Variants in ME3 observed in about 807,000 individuals in gnomAD.
The protein encoded by ME3 is malic enzyme 3.
A neutral mutation model predicts 68.9 loss-of-function variants in ME3; 48 were observed. That is an observed-to-expected ratio of 0.70 (90% confidence interval 0.55 to 0.89). ME3 has a LOEUF of 0.89. ME3 is among the 40% of genes least tolerant of loss of function. The pLI, the probability that ME3 is intolerant of heterozygous loss-of-function variation, is 0.00. For synonymous variants in ME3, 320 were observed against 318.8 expected, an observed-to-expected ratio of 1.00 and a Z score of -0.04; for missense variants, 675 against 797.4, an observed-to-expected ratio of 0.85 and a Z score of 1.85.
chr11:86,659,941 T>G (rs1243165891), intron 2 of ME3, among the ~76,000 whole-genome samples: 1 of 152,152 alleles, frequency 6.6e-6, no homozygotes, highest in African/African-American at 2.4e-5. Flanking sequence ...AAACCTTGGT[T>G]AGAATATACC....
chr11:86,561,385 T>C (rs1957226865), intron 2 of ME3, among the ~76,000 whole-genome samples: 1 of 152,162 alleles, frequency 6.6e-6, no homozygotes, highest in Non-Finnish European at 1.5e-5. Flanking sequence ...ATTTACTACT[T>C]GTGTCCCTTG....
chr11:86,556,238 G>T (rs894456347), intron 4 of ME3, among the ~76,000 whole-genome samples: 1 of 152,170 alleles, frequency 6.6e-6, no homozygotes, highest in African/African-American at 2.4e-5. Flanking sequence ...ACCAGAGGGG[G>T]TGAGAGAAGT....
At chr11:86,515,029 G>A (rs1953795293) in intron 4 of ME3, among the ~76,000 whole-genome samples, 1 of 152,196 alleles carries the variant, frequency 6.6e-6, no homozygotes, top group Non-Finnish European at 1.5e-5. Context: ...CAGGAGCCAT[G>A]ATGAATAGTT....
intron 2 of ME3, among the ~76,000 whole-genome samples, chr11:86,645,155 T>G (rs1205930895): frequency 6.6e-6 from 1 of 152,122 alleles, no homozygotes. Flanking sequence ...GACACCAAAC[T>G]AGCTGCAGGA....
At chr11:86,561,033 A>G (rs1024117575) in intron 2 of ME3, among the ~76,000 whole-genome samples, 2 of 152,110 alleles carry the variant, frequency 1.3e-5, no homozygotes. Context: ...CCAGGGGTAC[A>G]TATAATAAAT....
intron 4 of ME3, among the ~76,000 whole-genome samples, chr11:86,514,105 G>T (rs536479427): frequency 9.2e-5 from 14 of 152,240 alleles, no homozygotes; most frequent in African/African-American, 3.4e-4. Flanking sequence ...AGATCTGATG[G>T]TTTTATAAGC....
At chr11:86,472,368 G>A (rs904117602) in intron 7 of ME3, among the ~76,000 whole-genome samples, 5 of 152,204 alleles carry the variant, frequency 3.3e-5, no homozygotes, top group Non-Finnish European at 5.9e-5. Context: ...GGTGTTTTAG[G>A]AAGTTTATTC....
chr11:86,661,515 A>C (rs924930855), intron 2 of ME3, among the ~76,000 whole-genome samples: 1 of 152,262 alleles, frequency 6.6e-6, no homozygotes, highest in African/African-American at 2.4e-5. Flanking sequence ...CTTACAGGGT[A>C]CATGTCTATT....
Position 86,464,926 on chromosome 11 carries a change from T to G in ME3, c.919+165A>C, listed in dbSNP as rs572798755. ...GAAACTGAATTCAGAGAATTAAGAA[T>G]TAGCCAAGTAGGAGTTGAATCTAAG... On this transcript the variant is annotated intron_variant, in intron 8 of 14. Coordinates refer to ENST00000543262, the Ensembl canonical transcript of ME3. Among the ~76,000 whole-genome samples the G allele has an allele frequency of 1.1e-4, 16 of 152,366 alleles. No individual in the cohort carries two copies. The South Asian group carries it at 3.1e-3, about 30-fold the overall frequency.
At chr11:86,632,197 T>C (rs1285077160) in intron 2 of ME3, among the ~76,000 whole-genome samples, 1 of 152,160 alleles carries the variant, frequency 6.6e-6, no homozygotes, top group Non-Finnish European at 1.5e-5. Context: ...AAAAGTGATG[T>C]GTTCAAGGGC....
intron 4 of ME3, among the ~76,000 whole-genome samples, chr11:86,518,318 G>A (rs933278716): frequency 6.6e-6 from 1 of 152,170 alleles, no homozygotes; most frequent in Non-Finnish European, 1.5e-5. Context: ...CATACCAGGT[G>A]AGAAAATGCC....
At chr11:86,537,253 A>T (rs975649160) in intron 4 of ME3, among the ~76,000 whole-genome samples, 3 of 151,292 alleles carry the variant, frequency 2.0e-5, no homozygotes, top group African/African-American at 4.9e-5. Flanking sequence ...AACCTGCACA[A>T]TGTGCACATG....
chr11:86,485,672 C>T (rs1157773145), intron 7 of ME3, among the ~76,000 whole-genome samples: 2 of 152,150 alleles, frequency 1.3e-5, no homozygotes, highest in African/African-American at 2.4e-5. Flanking sequence ...CCCTTTACCA[C>T]GTCCTCCCAT....
intron 2 of ME3, among the ~76,000 whole-genome samples, chr11:86,591,170 T>G (rs912358066): frequency 5.3e-4 from 78 of 146,216 alleles, no homozygotes; most frequent in African/African-American, 2.0e-3. Flanking sequence ...GGGGTCAGAT[T>G]AGCTGCCAAA....
intron 2 of ME3, among the ~76,000 whole-genome samples, chr11:86,643,284 T>C (rs1228327572): frequency 7.0e-6 from 1 of 143,858 alleles, no homozygotes; most frequent in Non-Finnish European, 1.5e-5. Context: ...GGTTTAACTC[T>C]TCATGCAGGC....
At chr11:86,475,874 T>TAGAGAGAGAGAGAGAGAG (rs1555206746) in intron 7 of ME3, among the ~76,000 whole-genome samples, 21 of 91,460 alleles carry the variant, frequency 2.3e-4, no homozygotes, top group South Asian at 1.7e-3. Flanking sequence ...TATATATATA[T>TAGAGAGAGAGAGAGAGAG]AGAGAGAGAG....
intron 2 of ME3, among the ~76,000 whole-genome samples, chr11:86,634,238 C>T (rs1382370222): frequency 6.6e-6 from 1 of 152,152 alleles, no homozygotes; most frequent in Non-Finnish European, 1.5e-5. Context: ...TTAAATCCCC[C>T]TCCCAAATGA....
chr11:86,457,605 C>T (rs1256022136), intron 8 of ME3: 2 of 1,230,180 alleles, frequency 1.6e-6, no homozygotes, highest in South Asian at 2.7e-5. Flanking sequence ...TTTTGGGGTG[C>T]TCTTGGGCTA....
At chr11:86,572,528 C>T (rs78765561) in intron 2 of ME3, among the ~76,000 whole-genome samples, 19 of 152,120 alleles carry the variant, frequency 1.2e-4, no homozygotes, top group Admixed American at 6.5e-4. Context: ...TGAGAACATG[C>T]GGCGTTTGGC....
Sources: gnomAD v4.1 joint callset for allele counts (sites outside exome capture counted in the v4.1 genomes callset) on GRCh38, gnomAD v4.1.1 for gene constraint, MANE v1.5 for transcripts, NCBI Gene and HGNC (gene_info 2026-07-23, HGNC 2026-07-21) for gene names.